The following ZC3H11A variants were observed in gnomAD, a reference collection of about 807,000 sequenced individuals.
The protein encoded by ZC3H11A is zinc finger CCCH domain-containing protein 11A.
Under a neutral mutation model 90.8 loss-of-function variants are expected in ZC3H11A, and 22 were observed. The ratio of observed to expected loss-of-function variants is 0.24; its 90% CI spans 0.17 to 0.35. The LOEUF is 0.35. Among genes scored for constraint, ZC3H11A ranks in the 10% least tolerant of loss-of-function variants. The probability of loss-of-function intolerance (pLI) is 1.00; values close to 1 mark genes in which losing one functional copy is unlikely to be tolerated. For synonymous variants in ZC3H11A, 294 were observed against 339.8 expected, an observed-to-expected ratio of 0.87 and a Z score of 1.48; for missense variants, 701 against 964.9, an observed-to-expected ratio of 0.73 and a Z score of 3.62.
intron 3 of ZC3H11A, among the ~76,000 whole-genome samples, chr1:203,818,238 A>G (rs1202570566): frequency 6.7e-6 from 1 of 150,114 alleles, no homozygotes; most frequent in African/African-American, 2.4e-5. Flanking sequence ...ATCAAAAGCT[A>G]GAGTTACACA....
chr1:203,832,964 T>G lies in ZC3H11A; in HGVS notation c.812-827T>G, dbSNP rs1682881457. Among the ~76,000 whole-genome samples the G allele has an allele frequency of 2.6e-5, 4 of 152,350 alleles. 1 individual carries two copies. In the South Asian group the frequency reaches 8.3e-4, roughly 32 times the overall value. On this transcript the variant is annotated intron_variant, in intron 9 of 17. Transcript: ENST00000367210. ...TAGTACTATTCTAGGCTGTGCGCAG[T>G]GGCTTACATGTATAATCCCAGCACT...
Position 203,847,317 on chromosome 1 carries a change from T to C in ZC3H11A, c.1176T>C (p.Thr392=). 12 of 1,613,882 alleles carry C rather than the reference T, an allele frequency of 7.4e-6. No individual in the cohort carries two copies. The highest frequency in any genetic ancestry group is 1.0e-5 in the Non-Finnish European group (12 of 1,179,852). ...GACCTTCAAAAACTGATGATTCTAC[T>C]TCAGGAGCAAGAAGCTCCTCCACTA... The part of the protein sequence containing the change: ...TEGPSKTDDS[T]SGARSSSTIR... The change falls in exon 13 of 18, where the codon ACT becomes ACC. Residue 392 remains threonine (T), a synonymous_variant. Coordinates refer to ENST00000367210, the MANE Select transcript of ZC3H11A (RefSeq NM_001376342.1).
intron 4 of ZC3H11A, among the ~76,000 whole-genome samples, chr1:203,827,284 A>T (rs1680827785): frequency 6.6e-6 from 1 of 151,982 alleles, no homozygotes; most frequent in African/African-American, 2.4e-5. Context: ...GAACTAATGT[A>T]TATATTTTTC....
At chr1:203,823,001 C>A (rs551760391) in intron 4 of ZC3H11A, among the ~76,000 whole-genome samples, 12 of 152,286 alleles carry the variant, frequency 7.9e-5, no homozygotes, top group Admixed American at 2.0e-4. Context: ...TCTAAGCTAC[C>A]TATCTTGCAA....
intron 4 of ZC3H11A, among the ~76,000 whole-genome samples, chr1:203,825,239 CA>C (rs1023269662): frequency 4.5e-4 from 69 of 151,992 alleles, no homozygotes; most frequent in Non-Finnish European, 1.3e-4. Flanking sequence ...ACCAGAGGCC[CA>C]CAGGAACCCA....
At chr1:203,817,994 G>A (rs751889541) in intron 3 of ZC3H11A, among the ~76,000 whole-genome samples, 14 of 151,982 alleles carry the variant, frequency 9.2e-5, no homozygotes, top group Non-Finnish European at 1.5e-4. Flanking sequence ...TGATCTGCCC[G>A]CCTCGGCCTC....
At chr1:203,846,336 T>C (rs1687904955) in intron 12 of ZC3H11A, among the ~76,000 whole-genome samples, 2 of 152,184 alleles carry the variant, frequency 1.3e-5, no homozygotes, top group Non-Finnish European at 2.9e-5. Context: ...TTTAGACAGA[T>C]ATAGAACGAT....
At chr1:203,817,921 T>G (rs1676912991) in intron 3 of ZC3H11A, among the ~76,000 whole-genome samples, 1 of 152,034 alleles carries the variant, frequency 6.6e-6, no homozygotes, top group Non-Finnish European at 1.5e-5. Context: ...CCCAGCTAAC[T>G]GTATTTTTAG....
At chr1:203,800,340 C>A (rs759571494) in intron 1 of ZC3H11A, 4 of 892,982 alleles carry the variant, frequency 4.5e-6, no homozygotes, top group South Asian at 4.2e-5. Context: ...CAATATAGAA[C>A]AACTGATGTT....
At chr1:203,842,036 A>G (rs1024813676) in intron 12 of ZC3H11A, among the ~76,000 whole-genome samples, 1 of 149,798 alleles carries the variant, frequency 6.7e-6, no homozygotes, top group African/African-American at 2.5e-5. Flanking sequence ...CACATCTCAG[A>G]CGATGGGCGG....
chr1:203,852,559 G>A lies in ZC3H11A; in HGVS notation c.*160G>A. On this transcript the variant is annotated 3_prime_UTR_variant, in exon 18 of 18. Coordinates refer to ENST00000367210, the MANE Select transcript of ZC3H11A (RefSeq NM_001376342.1). ...ATCTGTATGTGTCCTGGATTCCTTG[G>A]GGTCAGATTTTTAAAGTTACTTTAT... The A allele has an allele frequency of 1.3e-6, 1 of 767,282 alleles. No individual in the cohort carries two copies. The highest frequency in any genetic ancestry group is 2.0e-6 in the Non-Finnish European group (1 of 491,072). 47.5% of individuals were successfully genotyped at this position (767,282 alleles called of 1,614,324 possible).
Position 203,818,706 on chromosome 1 carries a change from C to T in ZC3H11A, c.174+17C>T, listed in dbSNP as rs778739180. On this transcript the variant is annotated intron_variant, in intron 4 of 17. Coordinates refer to ENST00000367210, the MANE Select transcript of ZC3H11A (RefSeq NM_001376342.1). ...GAGATTGATGTAAGTTTTTTATTTC[C>T]GTTATCATAATAAGTAGTCTGGAGA... The T allele has an allele frequency of 1.7e-5, 27 of 1,613,546 alleles. No individual in the cohort carries two copies. The highest frequency in any genetic ancestry group is 3.3e-5 in the Admixed American group (2 of 59,966).
At chr1:203,814,251 C>T (rs1440810291) in intron 2 of ZC3H11A, among the ~76,000 whole-genome samples, 3 of 152,268 alleles carry the variant, frequency 2.0e-5, no homozygotes, top group Middle Eastern at 3.4e-3. Flanking sequence ...TCCGGCCAGG[C>T]GCTGGCTCAC....
chr1:203,833,626 T>TTTTTTG (rs1184226263), intron 9 of ZC3H11A, among the ~76,000 whole-genome samples, 165 bp from the exon 10 acceptor site: 1 of 149,470 alleles, frequency 6.7e-6, no homozygotes, highest in East Asian at 1.9e-4. Flanking sequence ...GGGTTTTTTT[T>TTTTTTG]TTTTTTTTTT....
chr1:203,833,567 A>G (rs941489247), intron 9 of ZC3H11A, among the ~76,000 whole-genome samples: 7 of 144,028 alleles, frequency 4.9e-5, no homozygotes, highest in South Asian at 2.2e-4. Flanking sequence ...GTACTATGCT[A>G]TTGCTTCTGT....
In ZC3H11A at chr1:203,831,776, G is replaced by A; in HGVS notation, c.811+5G>A. ...TAACTCTCTCCACCAAACAAGGTAAGGTATAGATAGGTCTTAGAGTTGTCA... is the reference window on the plus strand; with the variant it reads ...TAACTCTCTCCACCAAACAAGGTAAAGTATAGATAGGTCTTAGAGTTGTCA... On this transcript the variant is annotated splice_donor_5th_base_variant and intron_variant, in intron 9 of 17. Coordinates refer to ENST00000367210, the MANE Select transcript of ZC3H11A (RefSeq NM_001376342.1). 6.2e-7 allele frequency: 1 copy of A among 1,605,582 alleles called. No individual in the cohort carries two copies.
At position 203,819,529 on chromosome 1, in the gene ZC3H11A, A is replaced by ATTTTTTTTTTTTTTTTT. The variant is rs755259647; in HGVS notation, c.174+846_174+862dup. Among the ~76,000 whole-genome samples the ATTTTTTTTTTTTTTTTT allele has an allele frequency of 1.6e-4, 12 of 72,878 alleles. 1 individual carries two copies. Among genetic ancestry groups the ATTTTTTTTTTTTTTTTT allele is most frequent in the African/African-American group, 4.6e-4 (8 of 17,410 alleles). 47.8% of individuals were successfully genotyped at this position (72,878 alleles called of 152,430 possible). A position where few individuals can be genotyped will look rare whatever the true frequency, so the allele number is the denominator to read the frequency against. The stretch of plus-strand genomic sequence containing the variant: ...GAGCCACCGTGCCCAGCTGACTCCA[A>ATTTTTTTTTTTTTTTTT]TTTTTTTTTTTTTTTTTTTTTTGAG... On this transcript the variant is annotated intron_variant, in intron 4 of 17. Coordinates refer to ENST00000367210, the MANE Select transcript of ZC3H11A (RefSeq NM_001376342.1).
In ZC3H11A at chr1:203,850,010, G is replaced by C. The variant is rs780865480; in HGVS notation, c.1923G>C (p.Leu641Phe). ...ATGTGAAATGTGCAGCACAGACCTT[G>C]GAAAAAAGGGGTAAAGGCAAGTATT... ...LLNVKCAAQT[L>F]EKRGKAKPKV... The change falls in exon 15 of 18, where the codon TTG becomes TTC. Residue 641 changes from leucine (L) to phenylalanine (F), a missense_variant. This residue lies in a region of ZC3H11A where 530 missense variants were observed against 696.2 expected (regional missense o/e 0.76). Transcript: ENST00000367210. The C allele has an allele frequency of 1.2e-6, 2 of 1,611,802 alleles. No individual in the cohort carries two copies. The highest frequency in any genetic ancestry group is 2.2e-5 in the South Asian group (2 of 90,814).
chr1:203,821,947 T>C lies in ZC3H11A; in HGVS notation c.174+3258T>C, dbSNP rs143874429. ...TAATTTTTTGTACTTTTAGTAGAGATGGGGTTTCACCGTGTTAGCCAGGAT... is the reference window on the plus strand; with the variant it reads ...TAATTTTTTGTACTTTTAGTAGAGACGGGGTTTCACCGTGTTAGCCAGGAT... On this transcript the variant is annotated intron_variant, in intron 4 of 17. Coordinates refer to ENST00000367210, the MANE Select transcript of ZC3H11A (RefSeq NM_001376342.1). Among the ~76,000 whole-genome samples, 570 of 152,136 alleles carry C rather than the reference T, an allele frequency of 3.7e-3. 7 individuals carry two copies. The highest frequency in any genetic ancestry group is 0.017 in the East Asian group (87 of 5,150).
Sources: allele counts gnomAD v4.1 joint callset (sites outside exome capture counted in the v4.1 genomes callset), GRCh38; gene constraint gnomAD v4.1.1; regional missense constraint gnomAD v4.1.1; transcripts MANE v1.5; gene names NCBI Gene and HGNC (gene_info 2026-07-23, HGNC 2026-07-21).